The following IQGAP2 variants were observed in gnomAD, a reference collection of about 807,000 sequenced individuals.
IQGAP2 encodes the protein IQ motif containing GTPase activating protein 2.
Under a neutral mutation model 201.3 loss-of-function variants are expected in IQGAP2, and 173 were observed. The ratio of observed to expected loss-of-function variants is 0.86; its 90% confidence interval spans 0.76 to 0.98. The LOEUF (loss-of-function observed/expected upper bound fraction) is 0.98. Among genes scored for constraint, IQGAP2 ranks in the 50% least tolerant of loss-of-function variants. The probability of loss-of-function intolerance (pLI) is 0.00; values close to 1 mark genes in which losing one functional copy is unlikely to be tolerated. For synonymous variants in IQGAP2, 675 were observed against 673.9 expected, an observed-to-expected ratio of 1.00 and a Z score of -0.03; for missense variants, 1,687 against 1,864.8, an observed-to-expected ratio of 0.90 and a Z score of 1.76.
intron 17 of IQGAP2, among the ~76,000 whole-genome samples, chr5:76,652,262 G>A (rs368351202): frequency 6.6e-6 from 1 of 152,144 alleles, no homozygotes; most frequent in African/African-American, 2.4e-5. Context: ...GTGTTTTCAG[G>A]GATCCAAGGG....
At chr5:76,445,217 G>T (rs1753304314) in intron 1 of IQGAP2, among the ~76,000 whole-genome samples, 1 of 152,154 alleles carries the variant, frequency 6.6e-6, no homozygotes, top group South Asian at 2.1e-4. Flanking sequence ...GAAGCAGCAG[G>T]GCAGAGTGGT....
intron 13 of IQGAP2, chr5:76,623,457 G>GCACCCACTCC: frequency 1.9e-6 from 1 of 536,834 alleles, no homozygotes; most frequent in Non-Finnish European, 3.3e-6. Flanking sequence ...GCCTCTGAAC[G>GCACCCACTCC]TGTTACGTTA....
At chr5:76,692,215 G>C (rs368623841) in intron 30 of IQGAP2, among the ~76,000 whole-genome samples, 1 of 152,102 alleles carries the variant, frequency 6.6e-6, no homozygotes, top group South Asian at 2.1e-4. Flanking sequence ...GCAGTGGCAC[G>C]ATTTCAGCTT....
intron 2 of IQGAP2, among the ~76,000 whole-genome samples, chr5:76,478,979 C>T (rs1391138613): frequency 6.6e-6 from 1 of 152,044 alleles, no homozygotes; most frequent in Non-Finnish European, 1.5e-5. Context: ...TTAGTTAGGC[C>T]TTTCCCTGCT....
At chr5:76,645,688 T>G (rs551415418) in intron 17 of IQGAP2, among the ~76,000 whole-genome samples, 10 of 152,188 alleles carry the variant, frequency 6.6e-5, no homozygotes, top group Non-Finnish European at 1.2e-4. Flanking sequence ...AAAAAAATTA[T>G]ATTCCCAGCC....
At chr5:76,585,408 G>T (rs902070675) in intron 5 of IQGAP2, among the ~76,000 whole-genome samples, 1 of 151,986 alleles carries the variant, frequency 6.6e-6, no homozygotes, top group Admixed American at 6.6e-5. Context: ...TTTTGAATTT[G>T]TAAAAAGAGG....
chr5:76,590,617 A>G, intron 8 of IQGAP2, 31 bp downstream of exon 8: 6 of 1,538,490 alleles, frequency 3.9e-6, no homozygotes, highest in Non-Finnish European at 4.4e-6. Flanking sequence ...AAAAACAGTA[A>G]TGAATGTGCT....
intron 35 of IQGAP2, 73 bp downstream of exon 35, chr5:76,702,663 T>G (rs3816909): frequency 0.36 from 244,780 of 682,288 alleles, 40,610 homozygotes; most frequent in Non-Finnish European, 0.39. Context: ...CCTGGCTCTC[T>G]CTCTTCAGGA....
intron 2 of IQGAP2, among the ~76,000 whole-genome samples, chr5:76,496,744 T>TCTTTCTTTCTTTCTTTCTTTCTTTC: frequency 1.9e-5 from 1 of 52,712 alleles, no homozygotes; most frequent in Admixed American, 2.3e-4. Context: ...TTTCTTTCTT[T>TCTTTCTTTCTTTCTTTCTTTCTTTC]CTTTCTTTCT....
At chr5:76,616,103 T>C (rs1012159767) in intron 13 of IQGAP2, 1 of 152,670 alleles carries the variant, frequency 6.6e-6, no homozygotes, top group Non-Finnish European at 1.5e-5. Context: ...TTCTCCATTA[T>C]ACTTGGTACT....
At chr5:76,691,407 C>T (rs532058125) in intron 30 of IQGAP2, 1 of 152,318 alleles carries the variant, frequency 6.6e-6, no homozygotes, top group African/African-American at 2.4e-5. Flanking sequence ...TCTGAGAATA[C>T]TATTTCAAAC....
intron 17 of IQGAP2, among the ~76,000 whole-genome samples, chr5:76,643,108 T>C (rs1751725898): frequency 6.6e-6 from 1 of 152,176 alleles, no homozygotes; most frequent in Non-Finnish European, 1.5e-5. Context: ...GGAGTAGATA[T>C]CTAGAGTTAC....
chr5:76,564,453 G>T (rs533989967), intron 3 of IQGAP2, among the ~76,000 whole-genome samples: 1 of 152,302 alleles, frequency 6.6e-6, no homozygotes, highest in Admixed American at 6.5e-5. Flanking sequence ...GAATCAGGCT[G>T]GGAAGACGGG....
At chr5:76,599,946 G>A (rs1022526615) in intron 10 of IQGAP2, among the ~76,000 whole-genome samples, 4 of 152,138 alleles carry the variant, frequency 2.6e-5, no homozygotes, top group South Asian at 2.1e-4. Flanking sequence ...AATCTAAGAC[G>A]TATTTTTTTG....
At chr5:76,634,254 T>C (rs1458289303) in intron 15 of IQGAP2, among the ~76,000 whole-genome samples, 1 of 143,026 alleles carries the variant, frequency 7.0e-6, no homozygotes, top group Non-Finnish European at 1.5e-5. Context: ...AAACTGAAAA[T>C]ATTTGCCTTT....
At chr5:76,433,334 T>C (rs181964207) in intron 1 of IQGAP2, among the ~76,000 whole-genome samples, 2 of 152,318 alleles carry the variant, frequency 1.3e-5, no homozygotes, top group African/African-American at 4.8e-5. Context: ...ATTTAAGTCT[T>C]TGATCCAAGG....
chr5:76,617,178 G>A (rs181385728), intron 13 of IQGAP2: 239 of 163,278 alleles, frequency 1.5e-3, no homozygotes, highest in African/African-American at 5.5e-3. Flanking sequence ...TGGCTCAGTG[G>A]CTCACGCCTG....
chr5:76,705,417 A>C (rs1441696278), intron 35 of IQGAP2, among the ~76,000 whole-genome samples: 2 of 152,228 alleles, frequency 1.3e-5, no homozygotes, highest in African/African-American at 2.4e-5. Flanking sequence ...CAAATGGCAG[A>C]GCTAAAACTA....
chr5:76,668,886 T>C, intron 23 of IQGAP2, 42 bp downstream of exon 23: 1 of 1,293,262 alleles, frequency 7.7e-7, no homozygotes, highest in Non-Finnish European at 1.1e-6. Flanking sequence ...AGTGAATCAA[T>C]CCTTTTGTTA....
Sources: gnomAD v4.1 joint callset for allele counts (sites outside exome capture counted in the v4.1 genomes callset) on GRCh38, gnomAD v4.1.1 for gene constraint, MANE v1.5 for transcripts, NCBI Gene and HGNC (gene_info 2026-07-23, HGNC 2026-07-21) for gene names.